Variants in DCC observed in about 807,000 individuals in gnomAD.
DCC encodes the protein DCC netrin 1 receptor.
Under a neutral mutation model 172.5 loss-of-function variants are expected in DCC, and 58 were observed. The observed-to-expected ratio is 0.34, with a 90% CI of 0.27 to 0.42. The LOEUF is 0.42. Among genes scored for constraint, DCC ranks in the 10% least tolerant of loss-of-function variants. DCC has a pLI of 1.00. For missense variants in DCC, 1,740 were observed against 1,791.0 expected (o/e 0.97, Z 0.51); for synonymous variants, 709 against 644.5 (o/e 1.10, Z -1.52).
chr18:53,204,318 G>C (rs2055591344), intron 9 of DCC, among the ~76,000 whole-genome samples: 1 of 152,130 alleles, frequency 6.6e-6, no homozygotes, highest in Non-Finnish European at 1.5e-5. Flanking sequence ...AAGGCAGGAG[G>C]ATCGCTTGCC....
At chr18:52,558,236 CATTT>C (rs767346362) in intron 1 of DCC, among the ~76,000 whole-genome samples, 7 of 151,416 alleles carry the variant, frequency 4.6e-5, no homozygotes, top group South Asian at 2.1e-4. Flanking sequence ...GTGTAAATAA[CATTT>C]ATTATTAATA....
intron 11 of DCC, among the ~76,000 whole-genome samples, chr18:53,208,640 A>T (rs967329732): frequency 3.3e-5 from 5 of 152,210 alleles, no homozygotes; most frequent in African/African-American, 1.2e-4. Flanking sequence ...AAATGGAAGA[A>T]TAGACACAAA....
chr18:52,947,454 T>TGAG (rs2040566241), intron 5 of DCC, among the ~76,000 whole-genome samples: 1 of 152,122 alleles, frequency 6.6e-6, no homozygotes, highest in Non-Finnish European at 1.5e-5. Context: ...TAGTTGGACT[T>TGAG]GAGGGGTAGT....
chr18:53,004,364 T>C (rs752740569), intron 5 of DCC, among the ~76,000 whole-genome samples: 14 of 152,196 alleles, frequency 9.2e-5, no homozygotes, highest in Non-Finnish European at 1.8e-4. Flanking sequence ...TAAATTAATC[T>C]CTCTGTGTGT....
chr18:52,776,555 A>G (rs2145176352), intron 2 of DCC, among the ~76,000 whole-genome samples: 1 of 152,334 alleles, frequency 6.6e-6, no homozygotes, highest in East Asian at 1.9e-4. Flanking sequence ...GTTTACAAAT[A>G]TATAAAATAA....
intron 8 of DCC, among the ~76,000 whole-genome samples, chr18:53,174,329 C>T (rs1355146988): frequency 6.7e-6 from 1 of 149,674 alleles, no homozygotes. Flanking sequence ...TAACTAAAAT[C>T]AGAGCAGAAT....
At chr18:52,731,689 C>CA (rs2036645136) in intron 1 of DCC, among the ~76,000 whole-genome samples, 1 of 151,814 alleles carries the variant, frequency 6.6e-6, no homozygotes, top group Non-Finnish European at 1.5e-5. Flanking sequence ...TTTTAACCCC[C>CA]AAAAAACCCA....
At chr18:53,468,362 A>T (rs899177494) in intron 25 of DCC, among the ~76,000 whole-genome samples, 1 of 10,888 alleles carries the variant, frequency 9.2e-5, no homozygotes, top group Admixed American at 1.0e-3. Flanking sequence ...TTATTTATTT[A>T]TTTTATTTAT....
At chr18:52,395,319 A>G (rs1490664207) in intron 1 of DCC, among the ~76,000 whole-genome samples, 2 of 152,072 alleles carry the variant, frequency 1.3e-5, no homozygotes, top group Admixed American at 6.6e-5. Flanking sequence ...TATGGTCACA[A>G]GACCACTCAA....
intron 3 of DCC, among the ~76,000 whole-genome samples, chr18:52,917,137 C>CAAAAAAAAAAAAAAAAAAAAAAA (rs146388621): frequency 2.1e-5 from 2 of 94,796 alleles, no homozygotes; most frequent in African/African-American, 3.7e-5. Context: ...AAAAAGAAAA[C>CAAAAAAAAAAAAAAAAAAAAAAA]AAAAAAAAAA....
At chr18:53,203,333 G>A (rs1206854800) in intron 9 of DCC, among the ~76,000 whole-genome samples, 1 of 151,542 alleles carries the variant, frequency 6.6e-6, no homozygotes, top group African/African-American at 2.4e-5. Context: ...AAACATGGCT[G>A]TTCTATGCAC....
At chr18:52,665,995 T>C (rs993322116) in intron 1 of DCC, among the ~76,000 whole-genome samples, 2 of 152,190 alleles carry the variant, frequency 1.3e-5, no homozygotes, top group African/African-American at 2.4e-5. Context: ...GAAGTATCCA[T>C]ATAAGGAAAG....
chr18:53,301,183 G>A (rs563706846), intron 12 of DCC, among the ~76,000 whole-genome samples: 6 of 150,090 alleles, frequency 4.0e-5, no homozygotes, highest in Non-Finnish European at 5.9e-5. Context: ...TCCACCTTCC[G>A]GGTTCAAGCG....
chr18:52,663,346 G>C (rs528826455), intron 1 of DCC, among the ~76,000 whole-genome samples: 2 of 152,238 alleles, frequency 1.3e-5, no homozygotes, highest in South Asian at 4.1e-4. Context: ...GAGGCAAAGG[G>C]AAGTTCTCAG....
intron 1 of DCC, among the ~76,000 whole-genome samples, chr18:52,567,582 T>C (rs2033188646): frequency 6.6e-6 from 1 of 152,060 alleles, no homozygotes; most frequent in South Asian, 2.1e-4. Context: ...AAATACCACA[T>C]GTTTTCACTT....
At chr18:52,422,094 A>C (rs980829978) in intron 1 of DCC, among the ~76,000 whole-genome samples, 2 of 152,208 alleles carry the variant, frequency 1.3e-5, no homozygotes, top group Non-Finnish European at 2.9e-5. Context: ...ACATGTAGAT[A>C]AAATATTTAT....
intron 13 of DCC, among the ~76,000 whole-genome samples, chr18:53,312,879 A>AGGAAGGGAAAGGGAGGGGAGAGGAG (rs1282664060): frequency 4.8e-4 from 56 of 116,866 alleles, no homozygotes; most frequent in Admixed American, 1.9e-3. Flanking sequence ...AAAGAGAGAG[A>AGGAAGGGAAAGGGAGGGGAGAGGAG]GGAAGGGAAA....
intron 1 of DCC, among the ~76,000 whole-genome samples, chr18:52,542,612 G>A (rs2849191): frequency 6.6e-6 from 1 of 152,166 alleles, no homozygotes; most frequent in Non-Finnish European, 1.5e-5. Context: ...GAGGTGGGCA[G>A]ATCACTTGAG....
intron 21 of DCC, among the ~76,000 whole-genome samples, chr18:53,433,616 G>A (rs1417127742): frequency 2.0e-5 from 3 of 152,062 alleles, no homozygotes; most frequent in East Asian, 1.9e-4. Context: ...ACGATGTCTC[G>A]TGGGCAAAGC....
Sources: allele counts gnomAD v4.1 joint callset (sites outside exome capture counted in the v4.1 genomes callset), GRCh38; gene constraint gnomAD v4.1.1; transcripts MANE v1.5; gene names NCBI Gene and HGNC (gene_info 2026-07-23, HGNC 2026-07-21).